TENM4: variants seen among roughly 807,000 people sequenced by gnomAD.
TENM4 encodes the protein teneurin-4.
TENM4 carries 82 observed loss-of-function variants against 243.3 expected under a neutral mutation model. That is an observed-to-expected ratio of 0.34 (90% CI 0.28 to 0.40). The LOEUF is 0.40. TENM4 is among the 10% of genes least tolerant of loss of function. The probability of loss-of-function intolerance (pLI) is 1.00; values close to 1 mark genes in which losing one functional copy is unlikely to be tolerated. For missense variants in TENM4, 3,138 were observed against 3,673.3 expected (o/e 0.85, Z 3.77); for synonymous variants, 1,412 against 1,456.3 (o/e 0.97, Z 0.69).
intron 26 of TENM4, among the ~76,000 whole-genome samples, chr11:78,711,910 T>C (rs371745401): frequency 2.0e-5 from 3 of 152,182 alleles, no homozygotes; most frequent in South Asian, 2.1e-4. Flanking sequence ...GCAACCACTC[T>C]ATGTACTTGA....
At chr11:78,895,934 G>A (rs1271532785) in intron 7 of TENM4, among the ~76,000 whole-genome samples, 1 of 152,228 alleles carries the variant, frequency 6.6e-6, no homozygotes, top group African/African-American at 2.4e-5. Context: ...TTCTTAAAGA[G>A]GGGATAGACT....
intron 9 of TENM4, among the ~76,000 whole-genome samples, chr11:78,870,710 A>G (rs190189742): frequency 1.9e-4 from 29 of 152,224 alleles, no homozygotes; most frequent in African/African-American, 7.0e-4. Context: ...GTGCTGCTCA[A>G]TGTTTCTTTA....
chr11:79,246,136 G>C (rs920790608), intron 2 of TENM4, among the ~76,000 whole-genome samples: 8 of 152,000 alleles, frequency 5.3e-5, no homozygotes, highest in Non-Finnish European at 1.0e-4. Context: ...CAGAAGCATG[G>C]CCTACATTTA....
chr11:78,878,946 G>T (rs1859339621), intron 9 of TENM4, among the ~76,000 whole-genome samples: 6 of 152,244 alleles, frequency 3.9e-5, no homozygotes, highest in Admixed American at 3.3e-4. Context: ...TTTACACTTG[G>T]CAAGAATGAG....
At position 79,098,611 on chromosome 11, in the gene TENM4, C is replaced by T. The variant is rs535900090; in HGVS notation, c.-65-28602G>A. Reference sequence around the variant, plus strand: ...AACCGGGAGCTCATGCACACCTGTACGGAAGAAAAGCAGACAGAGGACAAG... The same window carrying T: ...AACCGGGAGCTCATGCACACCTGTATGGAAGAAAAGCAGACAGAGGACAAG... On this transcript the variant is annotated intron_variant, in intron 4 of 33. Transcript: ENST00000278550. Among the ~76,000 whole-genome samples the T allele has an allele frequency of 1.9e-4, 29 of 152,282 alleles. No homozygotes were observed. In the East Asian group the frequency reaches 3.7e-3, roughly 19 times the overall value.
chr11:79,386,744 A>T (rs522953), intron 1 of TENM4, among the ~76,000 whole-genome samples: 76,292 of 150,484 alleles, frequency 0.51, 19,347 homozygotes, highest in East Asian at 0.55. Context: ...ACGGCCGTTG[A>T]GTTCATTTTT....
At chr11:78,963,944 G>A (rs183227863) in intron 6 of TENM4, among the ~76,000 whole-genome samples, 1 of 150,084 alleles carries the variant, frequency 6.7e-6, no homozygotes, top group East Asian at 2.0e-4. Context: ...TCACTATGTT[G>A]GCCAGGCTGG....
rs144660385 is a variant in TENM4, at chr11:79,219,341, A to G, written c.-264-3432T>C. ...ATGTGGTCATTGTTCAGTGAGTAAT[A>G]GGGAGCCTCTGAGTGCTGTTGAGCA... On this transcript the variant is annotated intron_variant, in intron 2 of 33. Coordinates refer to ENST00000278550, the MANE Select transcript of TENM4 (RefSeq NM_001098816.3). Among the ~76,000 whole-genome samples, 57 of 152,334 alleles carry G rather than the reference A, an allele frequency of 3.7e-4. 1 individual carries two copies. The East Asian group carries it at 9.9e-3, about 26-fold the overall frequency.
chr11:78,987,254 T>A (rs1237799731), intron 6 of TENM4, among the ~76,000 whole-genome samples: 1 of 152,150 alleles, frequency 6.6e-6, no homozygotes, highest in East Asian at 1.9e-4. Flanking sequence ...TATCAACAGG[T>A]GAACTGATAC....
intron 1 of TENM4, among the ~76,000 whole-genome samples, chr11:79,311,508 G>A (rs1388459041): frequency 6.6e-6 from 1 of 152,246 alleles, no homozygotes; most frequent in African/African-American, 2.4e-5. Context: ...TGCCTCCATC[G>A]TACTTTGTGA....
At chr11:79,154,052 C>T (rs1252833209) in intron 3 of TENM4, among the ~76,000 whole-genome samples, 1 of 152,070 alleles carries the variant, frequency 6.6e-6, no homozygotes, top group Non-Finnish European at 1.5e-5. Context: ...TATGTCACCC[C>T]TTGTTCAAGC....
At chr11:78,814,433 T>A (rs1244527287) in intron 12 of TENM4, 38 bp from the exon 13 acceptor site, 1 of 1,523,680 alleles carries the variant, frequency 6.6e-7, no homozygotes, top group East Asian at 2.5e-5. Flanking sequence ...GAAAACAAAT[T>A]TCCTTACCCA....
At chr11:78,779,056 G>C (rs983652671) in intron 16 of TENM4, among the ~76,000 whole-genome samples, 3 of 152,214 alleles carry the variant, frequency 2.0e-5, no homozygotes, top group African/African-American at 7.2e-5. Flanking sequence ...GCCATAACAA[G>C]AACAAGTGGT....
chr11:78,918,994 T>C (rs1856385695), intron 6 of TENM4, among the ~76,000 whole-genome samples: 1 of 152,176 alleles, frequency 6.6e-6, no homozygotes, highest in Admixed American at 6.5e-5. Context: ...AAAATGGAGA[T>C]AATTGTACCT....
intron 7 of TENM4, among the ~76,000 whole-genome samples, chr11:78,900,656 A>G (rs1407766680): frequency 6.6e-6 from 1 of 152,174 alleles, no homozygotes. Context: ...GAGAGGCACG[A>G]ATTCTTATCC....
At chr11:79,077,010 T>C (rs979858007) in intron 4 of TENM4, among the ~76,000 whole-genome samples, 2 of 152,214 alleles carry the variant, frequency 1.3e-5, no homozygotes, top group African/African-American at 4.8e-5. Context: ...AAGAAAATGT[T>C]TGAACCTCAA....
At chr11:78,773,258 C>A (rs992186227) in intron 17 of TENM4, among the ~76,000 whole-genome samples, 8 of 152,160 alleles carry the variant, frequency 5.3e-5, no homozygotes, top group African/African-American at 1.9e-4. Flanking sequence ...CGTAAGAGCA[C>A]AAGCTTGAGA....
Position 79,192,287 on chromosome 11 carries a change from T to C in TENM4, c.-163+23521A>G, listed in dbSNP as rs551481737. 2.8e-3 allele frequency among the ~76,000 whole-genome samples: 422 copies of C among 152,252 alleles called. 1 individual carries two copies. The highest frequency in any genetic ancestry group is 4.6e-3 in the Non-Finnish European group (316 of 67,990). On this transcript the variant is annotated intron_variant, in intron 3 of 33. Transcript: ENST00000278550. ...GGTGTACCCAACAGCTCATTGAGAA[T>C]GGGCCATGATGACGATGGCGGTTTT...
intron 12 of TENM4, among the ~76,000 whole-genome samples, chr11:78,849,662 A>C (rs1352111479): frequency 6.6e-6 from 1 of 152,236 alleles, no homozygotes; most frequent in Non-Finnish European, 1.5e-5. Flanking sequence ...GCTGGGAAGA[A>C]GGCAAATTGC....
Sources: allele counts gnomAD v4.1 joint callset (sites outside exome capture counted in the v4.1 genomes callset), GRCh38; gene constraint gnomAD v4.1.1; transcripts MANE v1.5; gene names NCBI Gene and HGNC (gene_info 2026-07-23, HGNC 2026-07-21).